The following EGF variants were observed in gnomAD, a reference collection of about 807,000 sequenced individuals.
EGF encodes the protein pro-epidermal growth factor.
EGF carries 95 observed loss-of-function variants against 143.8 expected under a neutral mutation model. The observed-to-expected ratio is 0.66, with a 90% CI of 0.56 to 0.78. The LOEUF is 0.78. Among genes scored for constraint, EGF ranks in the 30% least tolerant of loss-of-function variants. The probability of loss-of-function intolerance (pLI) is 0.00; values close to 1 mark genes in which losing one functional copy is unlikely to be tolerated. For synonymous variants in EGF, 510 were observed against 510.5 expected, an observed-to-expected ratio of 1.00 and a Z score of 0.01; for missense variants, 1,320 against 1,470.9, an observed-to-expected ratio of 0.90 and a Z score of 1.68.
chr4:110,001,620 CT>C (rs1402322172), intron 21 of EGF: 1 of 985,230 alleles, frequency 1.0e-6, no homozygotes, highest in Non-Finnish European at 1.2e-6. Flanking sequence ...TATAGTATGT[CT>C]TATGTTCTGT....
At chr4:109,993,204 C>G (rs1430111316) in intron 18 of EGF, 43 bp from the exon 19 acceptor site, 4 of 1,611,346 alleles carry the variant, frequency 2.5e-6, no homozygotes, top group Non-Finnish European at 2.5e-6. Flanking sequence ...CCCTCTTTTT[C>G]TGTACCCCAC....
intron 1 of EGF, among the ~76,000 whole-genome samples, chr4:109,919,711 G>A (rs4141078): frequency 0.2 from 30,473 of 151,290 alleles, 5,626 homozygotes; most frequent in African/African-American, 0.44. Context: ...AGAGATCAAG[G>A]AGATCAGAGG....
chr4:109,945,043 GT>G (rs1366845197), intron 4 of EGF, 29 bp from the exon 5 acceptor site: 1 of 1,608,328 alleles, frequency 6.2e-7, no homozygotes, highest in Non-Finnish European at 8.5e-7. Context: ...ATGTTCTGTT[GT>G]TCTTTTTTCT....
chr4:109,936,665 C>T (rs1224831005), intron 1 of EGF, among the ~76,000 whole-genome samples: 1 of 152,132 alleles, frequency 6.6e-6, no homozygotes, highest in Non-Finnish European at 1.5e-5. Flanking sequence ...CTTGCTTTCT[C>T]CTGTGGGCAT....
In EGF at chr4:110,012,652, T is replaced by C. The variant is rs938696069; in HGVS notation, c.*1197T>C. Reference sequence around the variant, plus strand: ...GCTGGTAATTTTGCAAAATGAATTGTGATTGACTTTCAGCCTCCCAACGTA... The same window carrying C: ...GCTGGTAATTTTGCAAAATGAATTGCGATTGACTTTCAGCCTCCCAACGTA... On this transcript the variant is annotated 3_prime_UTR_variant, in exon 24 of 24. Transcript: ENST00000265171. Among the ~76,000 whole-genome samples the C allele has an allele frequency of 1.3e-5, 2 of 152,178 alleles. No individual in the cohort carries two copies. The highest frequency in any genetic ancestry group is 4.8e-5 in the African/African-American group (2 of 41,438).
chr4:109,965,466 C>G (rs1346134112), intron 10 of EGF, among the ~76,000 whole-genome samples: 1 of 151,960 alleles, frequency 6.6e-6, no homozygotes, highest in Non-Finnish European at 1.5e-5. Flanking sequence ...TTTCCCTGAC[C>G]TGAATCTATA....
At chr4:109,933,985 G>A (rs1740294196) in intron 1 of EGF, among the ~76,000 whole-genome samples, 1 of 152,138 alleles carries the variant, frequency 6.6e-6, no homozygotes, top group African/African-American at 2.4e-5. Context: ...CTAGATCCTT[G>A]AGGAATTGCC....
At chr4:110,001,788 G>A in intron 21 of EGF, 2 of 985,402 alleles carry the variant, frequency 2.0e-6, no homozygotes, top group Non-Finnish European at 2.4e-6. Flanking sequence ...AAAATCAGAA[G>A]TGAAAGGACT....
intron 18 of EGF, among the ~76,000 whole-genome samples, chr4:109,990,594 T>C (rs1750796707): frequency 6.6e-6 from 1 of 152,164 alleles, no homozygotes; most frequent in African/African-American, 2.4e-5. Context: ...GTGTATGCCA[T>C]AACAAAATAT....
At chr4:109,960,107 A>G (rs897503986) in intron 6 of EGF, among the ~76,000 whole-genome samples, 1 of 152,190 alleles carries the variant, frequency 6.6e-6, no homozygotes, top group Non-Finnish European at 1.5e-5. Context: ...GGTGAAAGCC[A>G]TGGCATAGAG....
At chr4:109,926,416 G>C (rs903477846) in intron 1 of EGF, among the ~76,000 whole-genome samples, 1 of 149,384 alleles carries the variant, frequency 6.7e-6, no homozygotes, top group Non-Finnish European at 1.5e-5. Flanking sequence ...GTGCAGTGGC[G>C]CGATCTCGTC....
At chr4:109,914,572 G>A (rs1736274925) in intron 1 of EGF, among the ~76,000 whole-genome samples, 1 of 152,172 alleles carries the variant, frequency 6.6e-6, no homozygotes, top group Non-Finnish European at 1.5e-5. Context: ...TGTAACAGGT[G>A]AGCAGAACTC....
Position 110,005,036 on chromosome 4 carries a change from C to CTTTTTTTT in EGF, c.3291+431_3291+438dup, listed in dbSNP as rs538062029. On this transcript the variant is annotated intron_variant, in intron 22 of 23. Coordinates refer to ENST00000265171, the MANE Select transcript of EGF (RefSeq NM_001963.6). ...TTCTTTTCTTTTTCTTTTTCTCTGT[C>CTTTTTTTT]TTTTTTTTTTTTTTTTTTTTTTTTG... is the stretch of plus-strand genomic sequence containing the variant. Among the ~76,000 whole-genome samples, 94 of 80,746 alleles carry CTTTTTTTT rather than the reference C, an allele frequency of 1.2e-3. 1 individual carries two copies. The highest frequency in any genetic ancestry group is 2.1e-3 in the East Asian group (4 of 1,872). The allele number at this position is 80,746 out of a possible 152,430, so 53.0% of individuals were successfully genotyped here. A position where few individuals can be genotyped will look rare whatever the true frequency, so the allele number is the denominator to read the frequency against.
chr4:110,008,366 T>TG lies in EGF; in HGVS notation c.3370+139dup. On this transcript the variant is annotated intron_variant, in intron 23 of 23. Coordinates refer to ENST00000265171, the MANE Select transcript of EGF (RefSeq NM_001963.6). ...AAATTGTATAAGCTATGTGAATAGC[T>TG]GGGCTGTATTGAAATGCCATGGACC... 3 of 1,123,888 alleles carry TG rather than the reference T, an allele frequency of 2.7e-6. 1 individual carries two copies. In the South Asian group the frequency reaches 4.0e-5, roughly 15 times the overall value. 69.6% of individuals were successfully genotyped at this position (1,123,888 alleles called of 1,614,324 possible).
chr4:109,913,875 G>T (rs1279739353), intron 1 of EGF, among the ~76,000 whole-genome samples: 1 of 152,176 alleles, frequency 6.6e-6, no homozygotes. Flanking sequence ...CTGATAACTT[G>T]TAAGAATTCA....
At chr4:109,926,369 T>TTC (rs1738654047) in intron 1 of EGF, among the ~76,000 whole-genome samples, 3 of 150,082 alleles carry the variant, frequency 2.0e-5, no homozygotes, top group Non-Finnish European at 4.4e-5. Flanking sequence ...TTTTTTTTTT[T>TTC]TCCGAGACGG....
chr4:110,009,397 C>A (rs1753722668), intron 23 of EGF, among the ~76,000 whole-genome samples: 1 of 152,058 alleles, frequency 6.6e-6, no homozygotes, highest in Non-Finnish European at 1.5e-5. Context: ...CCTTGAGCAG[C>A]TAAAAGTGCA....
intron 11 of EGF, among the ~76,000 whole-genome samples, chr4:109,973,234 A>G (rs1747948664): frequency 6.6e-6 from 1 of 152,104 alleles, no homozygotes; most frequent in Admixed American, 6.5e-5. Flanking sequence ...TTCTTCTGCT[A>G]CTGTTTTATC....
intron 21 of EGF, chr4:110,004,251 C>A (rs1431813216): frequency 2.2e-5 from 11 of 490,626 alleles, no homozygotes; most frequent in Admixed American, 1.2e-4. Context: ...CACACACACA[C>A]AAACACACAC....
Sources: gnomAD v4.1 joint callset for allele counts (sites outside exome capture counted in the v4.1 genomes callset) on GRCh38, gnomAD v4.1.1 for gene constraint, MANE v1.5 for transcripts, NCBI Gene and HGNC (gene_info 2026-07-23, HGNC 2026-07-21) for gene names.